The following GRK3 variants were observed in gnomAD, a reference collection of about 807,000 sequenced individuals.
GRK3 encodes the protein adrenergic, beta, receptor kinase 2.
A neutral mutation model predicts 95.7 loss-of-function variants in GRK3; 54 were observed. The ratio of observed to expected loss-of-function variants is 0.56; its 90% confidence interval spans 0.45 to 0.71. The LOEUF is 0.71. Ranked by LOEUF, GRK3 falls within the 30% of genes least tolerant of loss-of-function variation. The probability of loss-of-function intolerance (pLI) is 0.00; values close to 1 mark genes in which losing one functional copy is unlikely to be tolerated. For synonymous variants in GRK3, 281 were observed against 290.8 expected (o/e 0.97, Z 0.34); for missense variants, 649 against 851.2 (o/e 0.76, Z 2.96).
intron 10 of GRK3, among the ~76,000 whole-genome samples, chr22:25,685,867 GTTTT>G (rs146583867): frequency 5.1e-5 from 7 of 136,778 alleles, no homozygotes; most frequent in Non-Finnish European, 6.4e-5. Context: ...CACATGCCTA[GTTTT>G]TTTTTTTTTT....
At position 25,701,251 on chromosome 22, in the gene GRK3, G is replaced by C. The variant is rs538999382; in HGVS notation, c.1161-2259G>C. Among the ~76,000 whole-genome samples, 12 of 152,328 alleles carry C rather than the reference G, an allele frequency of 7.9e-5. No homozygotes were observed. The East Asian group carries it at 9.6e-4, about 12-fold the overall frequency. On this transcript the variant is annotated intron_variant, in intron 13 of 20. Transcript: ENST00000324198. ...TCAGGGAGCAGCTGCGATCACACAG[G>C]ATCTGTGCACACCACGTGCCTCACT...
intron 13 of GRK3, among the ~76,000 whole-genome samples, chr22:25,699,733 C>T: frequency 6.9e-6 from 1 of 145,010 alleles, no homozygotes. Flanking sequence ...AAGTCTCGCT[C>T]TGTCGCCCAG....
intron 3 of GRK3, chr22:25,648,724 T>A (rs1271780013): frequency 9.3e-7 from 1 of 1,070,658 alleles, no homozygotes; most frequent in Non-Finnish European, 1.5e-6. Context: ...CCACAAATGG[T>A]TGATATGCCT....
chr22:25,703,395 C>T, intron 13 of GRK3, 115 bp from the exon 14 acceptor site: 1 of 711,790 alleles, frequency 1.4e-6, no homozygotes, highest in Non-Finnish European at 2.4e-6. Flanking sequence ...TTTTGCATTT[C>T]TCCAGTTTTG....
intron 12 of GRK3, among the ~76,000 whole-genome samples, chr22:25,691,584 C>T (rs187001706): frequency 5.8e-4 from 88 of 152,328 alleles, no homozygotes; most frequent in Admixed American, 5.1e-3. Context: ...AACCTGTGGT[C>T]GTATAAGCGT....
intron 18 of GRK3, 119 bp downstream of exon 18, chr22:25,714,689 A>G: frequency 2.1e-6 from 2 of 934,866 alleles, no homozygotes; most frequent in Non-Finnish European, 3.1e-6. Flanking sequence ...AAGCAATGCC[A>G]TAAATCGCTT....
chr22:25,641,027 C>T (rs565366262), intron 2 of GRK3, among the ~76,000 whole-genome samples: 15 of 152,294 alleles, frequency 9.8e-5, no homozygotes, highest in African/African-American at 2.4e-4. Context: ...AGGTAAGTTG[C>T]GTTCAGCCTA....
chr22:25,696,516 A>T (rs774660178), intron 13 of GRK3, among the ~76,000 whole-genome samples: 1 of 152,354 alleles, frequency 6.6e-6, no homozygotes, highest in East Asian at 1.9e-4. Context: ...GGAAAACTTC[A>T]GTTAAATTTT....
Position 25,718,306 on chromosome 22 carries a change from T to C in GRK3, c.1716T>C (p.Phe572=). Residue 572 remains phenylalanine (F), a synonymous_variant, in exon 19 of 21, where the codon TTT becomes TTC. Transcript: ENST00000324198. ...HGYMLKLGNP[F]LTQWQRRYFY... is the part of the protein sequence containing the mutation. The stretch of plus-strand genomic sequence containing the variant: ...ACATGCTGAAACTGGGAAACCCATT[T>C]CTGACTCAGTGGCAGCGTCGCTATT... 6.2e-7 allele frequency: 1 copy of C among 1,614,186 alleles called. No homozygotes were observed. The highest frequency in any genetic ancestry group is 8.5e-7 in the Non-Finnish European group (1 of 1,180,008).
intron 2 of GRK3, among the ~76,000 whole-genome samples, chr22:25,626,866 A>G (rs1191700862): frequency 1.3e-5 from 2 of 152,168 alleles, no homozygotes; most frequent in Non-Finnish European, 2.9e-5. Flanking sequence ...TTCCACTGTT[A>G]TGGGTTTAGT....
intron 2 of GRK3, among the ~76,000 whole-genome samples, chr22:25,633,431 C>T (rs1490493528): frequency 2.0e-5 from 3 of 152,098 alleles, no homozygotes; most frequent in African/African-American, 7.2e-5. Flanking sequence ...CCGATCCATT[C>T]CATGAACATG....
At chr22:25,576,638 G>A (rs763364808) in intron 1 of GRK3, among the ~76,000 whole-genome samples, 7 of 152,154 alleles carry the variant, frequency 4.6e-5, no homozygotes, top group South Asian at 2.1e-4. Flanking sequence ...GCTCAAGGTC[G>A]CGCTGATAAC....
intron 2 of GRK3, among the ~76,000 whole-genome samples, chr22:25,617,451 G>T (rs1386601570): frequency 1.3e-5 from 2 of 152,152 alleles, no homozygotes; most frequent in African/African-American, 4.8e-5. Context: ...CCAAATACAA[G>T]AATCCAATGT....
chr22:25,600,363 C>T (rs760181893), intron 1 of GRK3, among the ~76,000 whole-genome samples: 2 of 152,130 alleles, frequency 1.3e-5, no homozygotes, highest in Admixed American at 6.5e-5. Flanking sequence ...TGGTCTGGAA[C>T]GTCTGACCTC....
chr22:25,648,295 A>G (rs1017215813), intron 3 of GRK3: 1 of 934,640 alleles, frequency 1.1e-6, no homozygotes, highest in African/African-American at 1.6e-5. Context: ...GAACAACTTG[A>G]TACTCTGCAG....
intron 19 of GRK3, among the ~76,000 whole-genome samples, chr22:25,719,916 C>T (rs1323736078): frequency 6.6e-6 from 1 of 152,170 alleles, no homozygotes; most frequent in Non-Finnish European, 1.5e-5. Flanking sequence ...ATTACAATTG[C>T]ATATCACTCC....
chr22:25,667,830 ATT>A (rs777780661), intron 6 of GRK3, 30 bp downstream of exon 6: 6 of 1,308,490 alleles, frequency 4.6e-6, no homozygotes, highest in Non-Finnish European at 6.6e-6. Context: ...TATATACACA[ATT>A]TTTTATCATG....
Position 25,690,210 on chromosome 22 carries a change from G to T in GRK3, c.979G>T (p.Glu327Ter). 3.7e-6 allele frequency: 6 copies of T among 1,613,958 alleles called. No homozygotes were observed. Among genetic ancestry groups the T allele is most frequent in the Non-Finnish European group, 5.1e-6 (6 of 1,179,892 alleles). Residue 327 changes from glutamate (E) to a stop codon, truncating the protein, a stop_gained, in exon 12 of 21, where the codon GAA becomes TAA. Coordinates refer to ENST00000324198, the MANE Select transcript of GRK3 (RefSeq NM_005160.4). LOFTEE classifies it high-confidence loss of function. ...DLKPANILLDEHGHARISDLG... is the reference protein window; with the variant it reads ...DLKPANILLD ...TTAGCCAGCAAATATTCTCTTGGAT[G>T]AACATGGACACGCAAGAATATCAGA...
chr22:25,663,749 C>A, intron 5 of GRK3, 45 bp downstream of exon 5: 1 of 1,389,788 alleles, frequency 7.2e-7, no homozygotes. Context: ...ATTTGCTTAA[C>A]ACTTGGCCTT....
Sources: gnomAD v4.1 joint callset for allele counts (sites outside exome capture counted in the v4.1 genomes callset) on GRCh38, gnomAD v4.1.1 for gene constraint, MANE v1.5 for transcripts, NCBI Gene and HGNC (gene_info 2026-07-23, HGNC 2026-07-21) for gene names.